Variants in COL15A1 observed in about 807,000 individuals in gnomAD.
COL15A1 encodes the protein collagen alpha-1(XV) chain.
COL15A1 carries 111 observed loss-of-function variants against 165.9 expected under a neutral mutation model. That is an observed-to-expected ratio of 0.67 (90% CI 0.57 to 0.78). COL15A1 has a LOEUF of 0.78. COL15A1 is among the 30% of genes least tolerant of loss of function. The pLI, the probability that COL15A1 is intolerant of heterozygous loss-of-function variation, is 0.00. For synonymous variants in COL15A1, 659 were observed against 674.8 expected (o/e 0.98, Z 0.36); for missense variants, 1,745 against 1,789.7 (o/e 0.98, Z 0.45).
chr9:99,002,000 TC>T (rs1838663867), intron 7 of COL15A1, among the ~76,000 whole-genome samples: 1 of 152,052 alleles, frequency 6.6e-6, no homozygotes, highest in African/African-American at 2.4e-5. Context: ...TTCAGCCAGC[TC>T]CCTTTGGAGA....
intron 2 of COL15A1, among the ~76,000 whole-genome samples, chr9:98,968,992 C>A (rs971444767): frequency 6.6e-6 from 1 of 152,240 alleles, no homozygotes; most frequent in Non-Finnish European, 1.5e-5. Flanking sequence ...TCCCAGCCCC[C>A]CAGACTCCTG....
chr9:99,057,966 G>A (rs1157500485), intron 35 of COL15A1, among the ~76,000 whole-genome samples: 2 of 152,122 alleles, frequency 1.3e-5, no homozygotes, highest in East Asian at 3.9e-4. Flanking sequence ...AATGTACTGG[G>A]TGTGAAGGAG....
chr9:99,003,655 C>A lies in COL15A1; in HGVS notation c.1200+68C>A, dbSNP rs1191735116. On this transcript the variant is annotated intron_variant, in intron 8 of 41. Coordinates refer to ENST00000375001, the MANE Select transcript of COL15A1 (RefSeq NM_001855.5). The stretch of plus-strand genomic sequence containing the variant: ...GGTTGTGGGTTGTGTTGGGTGGGAG[C>A]AGTCACTGGCTTTCCCTATGTGTCT... 2.1e-6 allele frequency: 3 copies of A among 1,414,238 alleles called. 1 individual carries two copies. Among genetic ancestry groups the A allele is most frequent in the African/African-American group, 2.9e-5 (2 of 68,358 alleles). 87.6% of individuals were successfully genotyped at this position (1,414,238 alleles called of 1,614,324 possible). A position where few individuals can be genotyped will look rare whatever the true frequency, so the allele number is the denominator to read the frequency against.
At chr9:99,040,170 C>G (rs1185339761) in intron 22 of COL15A1, among the ~76,000 whole-genome samples, 1 of 152,166 alleles carries the variant, frequency 6.6e-6, no homozygotes, top group Non-Finnish European at 1.5e-5. Flanking sequence ...CTTTGTTTTC[C>G]CCAAGCTATT....
intron 30 of COL15A1, 148 bp downstream of exon 30, chr9:99,050,043 G>C: frequency 5.6e-6 from 6 of 1,069,728 alleles, no homozygotes; most frequent in Non-Finnish European, 8.2e-6. Context: ...CAAGTGACTA[G>C]AAGCTTTTAG....
chr9:99,016,230 C>T lies in COL15A1; in HGVS notation c.1647+111C>T, dbSNP rs1191105535. 2.2e-6 allele frequency: 3 copies of T among 1,376,608 alleles called. No individual in the cohort carries two copies. In the African/African-American group the frequency reaches 4.4e-5, roughly 20 times the overall value. The allele number at this position is 1,376,608 out of a possible 1,614,324, so 85.3% of individuals were successfully genotyped here. On this transcript the variant is annotated intron_variant, in intron 11 of 41. Transcript: ENST00000375001. Reference sequence around the variant, plus strand: ...CCCAGCTTTCTCAGAGGTAGGTTTTCATGTTGGTTTGCAAATTTGGGCATT... The same window carrying T: ...CCCAGCTTTCTCAGAGGTAGGTTTTTATGTTGGTTTGCAAATTTGGGCATT...
At chr9:99,028,090 A>G (rs1839157763) in intron 16 of COL15A1, among the ~76,000 whole-genome samples, 1 of 152,222 alleles carries the variant, frequency 6.6e-6, no homozygotes, top group Non-Finnish European at 1.5e-5. Flanking sequence ...ACCGTTGGAT[A>G]GATCCACTTA....
At chr9:99,025,993 C>A (rs1361199328) in intron 16 of COL15A1, 27 bp downstream of exon 16, 11 of 1,592,610 alleles carry the variant, frequency 6.9e-6, no homozygotes, top group Middle Eastern at 1.7e-4. Context: ...AGGGTCCCAC[C>A]ACATGGGAGC....
chr9:98,992,124 T>G (rs939581794), intron 5 of COL15A1, among the ~76,000 whole-genome samples: 9 of 152,226 alleles, frequency 5.9e-5, no homozygotes, highest in South Asian at 2.1e-4. Flanking sequence ...CCTCAGCCCT[T>G]GGATGGTCGA....
rs1839037297 is a variant in COL15A1 at position 99,022,077 on chromosome 9, T to G, written c.1702-14T>G. 1 of 1,613,954 alleles carries G rather than the reference T, an allele frequency of 6.2e-7. No homozygotes were observed. The highest frequency in any genetic ancestry group is 1.6e-4 in the Middle Eastern group (1 of 6,062). ...AGAGTTCCAGCCGTTCACTGACCAT[T>G]TTGTTCTCTTTAGGGTGATGCTGGG... On this transcript the variant is annotated splice_polypyrimidine_tract_variant and intron_variant, in intron 12 of 41. Coordinates refer to ENST00000375001, the MANE Select transcript of COL15A1 (RefSeq NM_001855.5).
Position 99,047,856 on chromosome 9 carries a change from A to T in COL15A1, c.2733+17A>T, listed in dbSNP as rs1457893743. 10 of 1,613,544 alleles carry T rather than the reference A, an allele frequency of 6.2e-6. No homozygotes were observed. Among genetic ancestry groups the T allele is most frequent in the Non-Finnish European group, 8.5e-6 (10 of 1,179,794 alleles). ...GGGCGACCTGTAGGTATCAGTGTTC[A>T]TTGGACAGGCTGGAGGGGGAGGACA... On this transcript the variant is annotated intron_variant, in intron 27 of 41. Coordinates refer to ENST00000375001, the MANE Select transcript of COL15A1 (RefSeq NM_001855.5).
chr9:99,012,757 G>C (rs552355086), intron 9 of COL15A1, among the ~76,000 whole-genome samples: 54 of 132,710 alleles, frequency 4.1e-4, no homozygotes, highest in African/African-American at 1.5e-3. Context: ...TATTGCCCAG[G>C]CTGGAGTGCA....
At chr9:99,033,542 G>A (rs1391217260) in intron 16 of COL15A1, among the ~76,000 whole-genome samples, 1 of 152,140 alleles carries the variant, frequency 6.6e-6, no homozygotes, top group Non-Finnish European at 1.5e-5. Context: ...TCTCTTGATG[G>A]CTGAGGCCCC....
At chr9:98,972,843 T>C (rs2118843591) in intron 2 of COL15A1, among the ~76,000 whole-genome samples, 1 of 152,298 alleles carries the variant, frequency 6.6e-6, no homozygotes, top group African/African-American at 2.4e-5. Flanking sequence ...CACAGAAGTA[T>C]GCAGCTGGGC....
chr9:98,965,169 G>A (rs180703377), intron 2 of COL15A1, among the ~76,000 whole-genome samples: 54 of 152,312 alleles, frequency 3.5e-4, no homozygotes, highest in Non-Finnish European at 6.8e-4. Context: ...GCCTAGGGCA[G>A]CAGCTTGGGG....
chr9:98,962,094 C>T (rs1229813514), intron 2 of COL15A1, among the ~76,000 whole-genome samples: 7 of 152,208 alleles, frequency 4.6e-5, no homozygotes, highest in African/African-American at 1.2e-4. Flanking sequence ...ACGAAGAGGT[C>T]GGACCAGCGC....
intron 8 of COL15A1, 80 bp downstream of exon 8, chr9:99,003,667 T>C: frequency 7.2e-7 from 1 of 1,388,390 alleles, no homozygotes; most frequent in Non-Finnish European, 9.5e-7. Context: ...GTCACTGGCT[T>C]TCCCTATGTG....
intron 36 of COL15A1, among the ~76,000 whole-genome samples, chr9:99,061,761 G>C (rs1308492745): frequency 6.6e-6 from 1 of 152,162 alleles, no homozygotes; most frequent in Non-Finnish European, 1.5e-5. Flanking sequence ...AGTTAGATTT[G>C]TGTTTCAAAG....
At chr9:99,018,877 G>C (rs888204619) in intron 11 of COL15A1, among the ~76,000 whole-genome samples, 1 of 152,182 alleles carries the variant, frequency 6.6e-6, no homozygotes, top group East Asian at 1.9e-4. Context: ...TGGAACTGTG[G>C]AAGGTTGTTA....
Sources: gnomAD v4.1 joint callset for allele counts (sites outside exome capture counted in the v4.1 genomes callset) on GRCh38, gnomAD v4.1.1 for gene constraint, MANE v1.5 for transcripts, NCBI Gene and HGNC (gene_info 2026-07-23, HGNC 2026-07-21) for gene names.